Variants in WNK1 observed in about 807,000 individuals in gnomAD.
WNK1 encodes WNK lysine deficient protein kinase 1, also known as serine/threonine-protein kinase WNK1.
WNK1 carries 38 observed loss-of-function variants against 222.8 expected under a neutral mutation model. The observed-to-expected ratio is 0.17, with a 90% CI of 0.13 to 0.22. The LOEUF (loss-of-function observed/expected upper bound fraction) is 0.22. WNK1 is among the 10% of genes least tolerant of loss of function. The probability of loss-of-function intolerance (pLI) is 1.00; values close to 1 mark genes in which losing one functional copy is unlikely to be tolerated. For synonymous variants in WNK1, 1,090 were observed against 1,092.9 expected (o/e 1.00, Z 0.05); for missense variants, 2,348 against 2,918.4 (o/e 0.80, Z 4.50).
At chr12:785,514 C>T (rs891524275) in intron 1 of WNK1, among the ~76,000 whole-genome samples, 33 of 151,296 alleles carry the variant, frequency 2.2e-4, no homozygotes, top group African/African-American at 8.0e-4. Flanking sequence ...AGTTCTGCCT[C>T]AGCCTCCCGA....
chr12:793,549 C>T (rs944079968), intron 1 of WNK1, among the ~76,000 whole-genome samples: 1 of 152,024 alleles, frequency 6.6e-6, no homozygotes, highest in Non-Finnish European at 1.5e-5. Context: ...AATAGAGATT[C>T]ATATTGGGTG....
At chr12:907,138 A>G (rs772999515) in intron 26 of WNK1, among the ~76,000 whole-genome samples, 1 of 151,504 alleles carries the variant, frequency 6.6e-6, no homozygotes, top group Non-Finnish European at 1.5e-5. Flanking sequence ...CCTGGCCAAC[A>G]CGGCAAAACC....
At chr12:841,320 A>T (rs1949608787) in intron 4 of WNK1, among the ~76,000 whole-genome samples, 1 of 152,046 alleles carries the variant, frequency 6.6e-6, no homozygotes, top group Non-Finnish European at 1.5e-5. Context: ...TCTGGATTTG[A>T]TTTTCCTATT....
At chr12:875,585 A>G (rs1202065330) in intron 9 of WNK1, among the ~76,000 whole-genome samples, 1 of 152,218 alleles carries the variant, frequency 6.6e-6, no homozygotes, top group African/African-American at 2.4e-5. Context: ...TCTCTTTAAG[A>G]TGTCAATATA....
At chr12:785,210 G>A (rs1022606980) in intron 1 of WNK1, among the ~76,000 whole-genome samples, 4 of 152,032 alleles carry the variant, frequency 2.6e-5, no homozygotes, top group Non-Finnish European at 4.4e-5. Context: ...TCAGCAATGT[G>A]CCTTGGTATG....
chr12:838,397 G>C (rs1949364955), intron 4 of WNK1, among the ~76,000 whole-genome samples: 8 of 151,684 alleles, frequency 5.3e-5, no homozygotes, highest in Admixed American at 5.3e-4. Context: ...TCATATTCTT[G>C]CCAATCCTTG....
At chr12:804,796 G>T (rs1946209963) in intron 1 of WNK1, among the ~76,000 whole-genome samples, 1 of 151,934 alleles carries the variant, frequency 6.6e-6, no homozygotes, top group African/African-American at 2.4e-5. Flanking sequence ...CCTCATGTAA[G>T]TAGACTCAGA....
chr12:908,778 C>A lies in WNK1; in HGVS notation c.7135C>A (p.Leu2379Met). 1 of 1,505,582 alleles carries A rather than the reference C, an allele frequency of 6.6e-7. No homozygotes were observed. Among genetic ancestry groups the A allele is most frequent in the Non-Finnish European group, 9.0e-7 (1 of 1,112,002 alleles). 93.3% of individuals were successfully genotyped at this position (1,505,582 alleles called of 1,614,324 possible). A position where few individuals can be genotyped will look rare whatever the true frequency, so the allele number is the denominator to read the frequency against. Reference protein sequence around the residue: ...KSISNPPGSNLRTT With the variant: ...KSISNPPGSNMRTT ...CATCAGCAACCCCCCAGGCTCCAAC[C>A]TGCGGACCACTTAGACCTAGAGACA... is the stretch of plus-strand genomic sequence containing the variant. The change falls in exon 28 of 28, where the codon CTG (leucine) becomes ATG (methionine). Residue 2379 changes from leucine (L) to methionine (M), a missense_variant. Leu to Met is a conservative substitution (Grantham distance 15). Coordinates refer to ENST00000315939, the MANE Select transcript of WNK1 (RefSeq NM_018979.4).
intron 22 of WNK1, among the ~76,000 whole-genome samples, chr12:893,438 C>T (rs1326715612): frequency 1.3e-5 from 2 of 152,084 alleles, no homozygotes; most frequent in Non-Finnish European, 2.9e-5. Flanking sequence ...AAAAATCGCT[C>T]AATGTTCTAC....
intron 1 of WNK1, among the ~76,000 whole-genome samples, chr12:796,781 T>C (rs1945349568): frequency 6.6e-6 from 1 of 152,248 alleles, no homozygotes; most frequent in African/African-American, 2.4e-5. Flanking sequence ...CCTTGTCATC[T>C]TGATTCTCCC....
chr12:874,924 A>G (rs1320498271), intron 9 of WNK1, among the ~76,000 whole-genome samples: 3 of 152,168 alleles, frequency 2.0e-5, no homozygotes, highest in East Asian at 1.9e-4. Context: ...TCTCCCAAGC[A>G]GGAAAGGGAA....
chr12:883,616 T>C, intron 16 of WNK1, 48 bp downstream of exon 16: 1 of 1,612,432 alleles, frequency 6.2e-7, no homozygotes, highest in South Asian at 1.1e-5. Flanking sequence ...TAAAATATTT[T>C]CATAGTTCTA....
intron 8 of WNK1, among the ~76,000 whole-genome samples, chr12:866,711 T>C (rs1254890360): frequency 1.5e-5 from 2 of 136,756 alleles, no homozygotes; most frequent in African/African-American, 5.1e-5. Flanking sequence ...GCTGTGTTTC[T>C]AAATTTAGTC....
chr12:780,707 G>A (rs1163154929), intron 1 of WNK1, among the ~76,000 whole-genome samples: 3 of 152,194 alleles, frequency 2.0e-5, no homozygotes, highest in Non-Finnish European at 2.9e-5. Flanking sequence ...TCTTTGTGGA[G>A]CTTATTTTGA....
chr12:755,626 T>TA lies in WNK1; in HGVS notation c.759+1314dup, dbSNP rs549151044. Reference sequence around the variant, plus strand: ...TAGAATTGAAAAGGTGACAGATCTTTAAAAAAAAAAAACCTCGTCAAACGA... The same window carrying TA: ...TAGAATTGAAAAGGTGACAGATCTTTAAAAAAAAAAAAACCTCGTCAAACGA... On this transcript the variant is annotated intron_variant, in intron 1 of 27. Coordinates refer to ENST00000315939, the MANE Select transcript of WNK1 (RefSeq NM_018979.4). Among the ~76,000 whole-genome samples, 312 of 146,398 alleles carry TA rather than the reference T, an allele frequency of 2.1e-3. 2 individuals are homozygous for TA. The highest frequency in any genetic ancestry group is 0.017 in the Middle Eastern group (5 of 292).
chr12:846,570 A>G (rs1950041568), intron 4 of WNK1, among the ~76,000 whole-genome samples: 1 of 152,202 alleles, frequency 6.6e-6, no homozygotes. Flanking sequence ...GTATGTTCAA[A>G]TTCCTGTAAA....
At position 894,624 on chromosome 12, in the gene WNK1, G is replaced by A. The variant is rs1395162926; in HGVS notation, c.5572G>A (p.Gly1858Arg). 3 of 1,613,908 alleles carry A rather than the reference G, an allele frequency of 1.9e-6. No homozygotes were observed. Among genetic ancestry groups the A allele is most frequent in the Non-Finnish European group, 2.5e-6 (3 of 1,179,892 alleles). The stretch of plus-strand genomic sequence containing the variant: ...TTCAGGAGCTGGTGTTTTTAAGATG[G>A]GACGATTTCAGGTAAGACAGTCACT... ...TSSGAGVFKMGRFQVSVAADG... is the reference protein window; with the variant it reads ...TSSGAGVFKMRRFQVSVAADG... Residue 1858 changes from glycine to arginine, a missense_variant, in exon 23 of 28, where the codon GGA (glycine) becomes AGA (arginine). Gly to Arg is a moderately radical substitution (Grantham distance 125). This residue lies in a region of WNK1 where 1,144 missense variants were observed against 1,273.6 expected (regional missense o/e 0.90). Transcript: ENST00000315939.
chr12:834,734 A>T (rs1467439281), intron 4 of WNK1, among the ~76,000 whole-genome samples: 1 of 152,162 alleles, frequency 6.6e-6, no homozygotes, highest in Non-Finnish European at 1.5e-5. Flanking sequence ...ACTGGTACTG[A>T]TAGTAGGCTG....
rs769252703 is a variant in WNK1, at chr12:883,761, T to C, written c.3664-13T>C. 2.5e-6 allele frequency: 4 copies of C among 1,614,096 alleles called. No homozygotes were observed. The highest frequency in any genetic ancestry group is 2.2e-5 in the South Asian group (2 of 91,082). On this transcript the variant is annotated splice_polypyrimidine_tract_variant and intron_variant, in intron 16 of 27. Transcript: ENST00000315939. Reference sequence around the variant, plus strand: ...CATTTGAGAATGTATTTAATCACTTTTGTTTGTTGTAGAAATTGGAAGGAG... The same window carrying C: ...CATTTGAGAATGTATTTAATCACTTCTGTTTGTTGTAGAAATTGGAAGGAG...
Sources: gnomAD v4.1 joint callset for allele counts (sites outside exome capture counted in the v4.1 genomes callset) on GRCh38, gnomAD v4.1.1 for gene constraint, gnomAD v4.1.1 regional missense constraint, MANE v1.5 for transcripts, NCBI Gene and HGNC (gene_info 2026-07-23, HGNC 2026-07-21) for gene names.